Variants in PTPRK observed in about 807,000 individuals in gnomAD.
PTPRK encodes the protein protein tyrosine phosphatase receptor type K, also known as receptor-type tyrosine-protein phosphatase kappa.
PTPRK carries 75 observed loss-of-function variants against 178.0 expected under a neutral mutation model. The ratio of observed to expected loss-of-function variants is 0.42; its 90% CI spans 0.35 to 0.51. The LOEUF (loss-of-function observed/expected upper bound fraction) is 0.51, where lower values mean the gene tolerates loss of function less well. PTPRK is among the 20% of genes least tolerant of loss of function. The probability of loss-of-function intolerance (pLI) is 0.02; values close to 1 mark genes in which losing one functional copy is unlikely to be tolerated. For synonymous variants in PTPRK, 637 were observed against 620.6 expected, an observed-to-expected ratio of 1.03 and a Z score of -0.39; for missense variants, 1,441 against 1,797.8, an observed-to-expected ratio of 0.80 and a Z score of 3.59.
chr6:128,503,970 C>T (rs149772926), intron 1 of PTPRK, among the ~76,000 whole-genome samples: 3 of 152,058 alleles, frequency 2.0e-5, no homozygotes, highest in African/African-American at 7.2e-5. Flanking sequence ...ATCAATGGTT[C>T]CCGCCCCAAT....
At chr6:128,235,733 A>G in intron 5 of PTPRK, 1 of 352,896 alleles carries the variant, frequency 2.8e-6, no homozygotes, top group Admixed American at 3.3e-5. Flanking sequence ...CTGACATCCC[A>G]ACCATCAAAA....
intron 1 of PTPRK, among the ~76,000 whole-genome samples, chr6:128,491,185 T>C (rs979229243): frequency 2.6e-5 from 4 of 152,220 alleles, no homozygotes; most frequent in Non-Finnish European, 4.4e-5. Flanking sequence ...CTAAGCCCCA[T>C]TAAATTCACA....
In PTPRK at chr6:127,992,585, G is replaced by C. The variant is rs900890530; in HGVS notation, c.2881+88C>G. On this transcript the variant is annotated intron_variant, in intron 19 of 29. Transcript: ENST00000368226. Reference sequence around the variant, plus strand: ...GAAGGGCTGATTTTTTTGTTACTAAGATAAAATTTAAAAAATAATAAAAAC... The same window carrying C: ...GAAGGGCTGATTTTTTTGTTACTAACATAAAATTTAAAAAATAATAAAAAC... 6.1e-6 allele frequency: 7 copies of C among 1,138,540 alleles called. 1 individual carries two copies. The South Asian group carries it at 1.0e-4, about 17-fold the overall frequency. The allele number at this position is 1,138,540 out of a possible 1,614,324, so 70.5% of individuals were successfully genotyped here.
intron 2 of PTPRK, among the ~76,000 whole-genome samples, chr6:128,360,698 G>A (rs1359055829): frequency 6.6e-6 from 1 of 152,060 alleles, no homozygotes; most frequent in East Asian, 1.9e-4. Flanking sequence ...GTTGATATGA[G>A]CATCAATTAA....
intron 2 of PTPRK, among the ~76,000 whole-genome samples, chr6:128,334,287 A>G (rs1830631969): frequency 1.3e-5 from 2 of 152,344 alleles, no homozygotes; most frequent in African/African-American, 4.8e-5. Flanking sequence ...AACATACAAT[A>G]TCTGCAAAGT....
rs911512691 is a variant in PTPRK at position 128,344,533 on chromosome 6, A to AT, written c.224-22224dup. Reference sequence around the variant, plus strand: ...CCACCCCCTCCAATCACTCCTCGTGATTTTTTTTTTAAAGGTCTCCCTCTG... The same window carrying AT: ...CCACCCCCTCCAATCACTCCTCGTGATTTTTTTTTTTAAAGGTCTCCCTCTG... On this transcript the variant is annotated intron_variant, in intron 2 of 29. Coordinates refer to ENST00000368226, the MANE Select transcript of PTPRK (RefSeq NM_002844.4). Among the ~76,000 whole-genome samples the AT allele has an allele frequency of 2.7e-4, 41 of 149,846 alleles. No individual in the cohort carries two copies. The East Asian group carries it at 4.5e-3, about 16-fold the overall frequency.
intron 1 of PTPRK, among the ~76,000 whole-genome samples, chr6:128,427,544 A>G (rs1182273768): frequency 6.6e-6 from 1 of 152,242 alleles, no homozygotes; most frequent in Non-Finnish European, 1.5e-5. Context: ...CAGACAAATG[A>G]AGTATGTCCT....
At chr6:128,508,735 G>T (rs1164874255) in intron 1 of PTPRK, among the ~76,000 whole-genome samples, 4 of 151,950 alleles carry the variant, frequency 2.6e-5, no homozygotes, top group African/African-American at 9.7e-5. Context: ...CTGAGGTCAG[G>T]AGTTCAAGAC....
intron 1 of PTPRK, among the ~76,000 whole-genome samples, chr6:128,495,785 T>C (rs942810177): frequency 6.6e-6 from 1 of 152,202 alleles, no homozygotes; most frequent in African/African-American, 2.4e-5. Flanking sequence ...GGCTTTTACC[T>C]GAAGCTTTGG....
intron 26 of PTPRK, 41 bp downstream of exon 26, chr6:127,976,882 A>C: frequency 6.2e-7 from 1 of 1,612,548 alleles, no homozygotes. Context: ...TACTCTATTA[A>C]GTTGTATATA....
intron 1 of PTPRK, among the ~76,000 whole-genome samples, chr6:128,493,645 CAG>C (rs1562636221): frequency 2.4e-5 from 3 of 126,508 alleles, no homozygotes; most frequent in East Asian, 2.5e-4. Flanking sequence ...CACACACACA[CAG>C]AAACAACTAT....
chr6:128,103,074 G>T (rs1789055489), intron 7 of PTPRK, among the ~76,000 whole-genome samples: 1 of 151,668 alleles, frequency 6.6e-6, no homozygotes, highest in South Asian at 2.1e-4. Flanking sequence ...CAAACCCCAG[G>T]TTCCTTGAGC....
At chr6:128,073,670 G>A (rs1322876253) in intron 11 of PTPRK, among the ~76,000 whole-genome samples, 6 of 151,878 alleles carry the variant, frequency 4.0e-5, no homozygotes. Context: ...CTGTGGACTG[G>A]GATTCTAGAG....
chr6:128,216,539 A>G (rs1809335742), intron 6 of PTPRK, among the ~76,000 whole-genome samples: 1 of 149,476 alleles, frequency 6.7e-6, no homozygotes, highest in Non-Finnish European at 1.5e-5. Context: ...TGTCTCAGAA[A>G]AATAAAAAAA....
intron 1 of PTPRK, among the ~76,000 whole-genome samples, chr6:128,436,012 A>G (rs1487443284): frequency 6.6e-6 from 1 of 151,114 alleles, no homozygotes. Context: ...ATATATATAT[A>G]TATATAGCAA....
chr6:128,005,293 G>T, intron 14 of PTPRK, 49 bp from the exon 15 acceptor site: 1 of 1,590,904 alleles, frequency 6.3e-7, no homozygotes. Context: ...AGGCTTGCAG[G>T]AGAGTTAACA....
intron 2 of PTPRK, among the ~76,000 whole-genome samples, chr6:128,391,380 A>G (rs569805219): frequency 1.3e-5 from 2 of 152,230 alleles, no homozygotes; most frequent in South Asian, 2.1e-4. Context: ...TTAACAGACA[A>G]TGCTAAGTAG....
intron 3 of PTPRK, among the ~76,000 whole-genome samples, chr6:128,314,362 G>C (rs1827707637): frequency 6.6e-6 from 1 of 152,198 alleles, no homozygotes; most frequent in Admixed American, 6.5e-5. Context: ...ACCCAGAAGG[G>C]TGCCTGGCAT....
intron 2 of PTPRK, among the ~76,000 whole-genome samples, chr6:128,393,417 C>T (rs1839886549): frequency 6.6e-6 from 1 of 152,054 alleles, no homozygotes; most frequent in South Asian, 2.1e-4. Context: ...GTCTAATGGA[C>T]AGAAGGACAT....
Sources: gnomAD v4.1 joint callset for allele counts (sites outside exome capture counted in the v4.1 genomes callset) on GRCh38, gnomAD v4.1.1 for gene constraint, MANE v1.5 for transcripts, NCBI Gene and HGNC (gene_info 2026-07-23, HGNC 2026-07-21) for gene names.